The following TMEM132B variants were observed in gnomAD, a reference collection of about 807,000 sequenced individuals.
The protein encoded by TMEM132B is transmembrane protein 132B.
Under a neutral mutation model 90.8 loss-of-function variants are expected in TMEM132B, and 18 were observed. The ratio of observed to expected loss-of-function variants is 0.20; its 90% CI spans 0.14 to 0.29. The LOEUF is 0.29. TMEM132B is among the 10% of genes least tolerant of loss of function. The probability of loss-of-function intolerance (pLI) is 1.00; values close to 1 mark genes in which losing one functional copy is unlikely to be tolerated. For synonymous variants in TMEM132B, 504 were observed against 523.3 expected, an observed-to-expected ratio of 0.96 and a Z score of 0.50; for missense variants, 1,096 against 1,326.8, an observed-to-expected ratio of 0.83 and a Z score of 2.70.
In TMEM132B at chr12:125,408,954, C is replaced by A. The variant is rs775963962; in HGVS notation, c.960-6577C>A. Among the ~76,000 whole-genome samples, 3 of 152,006 alleles carry A rather than the reference C, an allele frequency of 2.0e-5. No individual in the cohort carries two copies. The highest frequency in any genetic ancestry group is 4.8e-5 in the African/African-American group (2 of 41,368). ...CTTTTGTACTGCACAAGGGGATACA[C>A]CAGAGTGGATTGTTAATAATAATAG... is the stretch of plus-strand genomic sequence containing the variant. On this transcript the variant is annotated intron_variant, in intron 2 of 8. Transcript: ENST00000682704. The surrounding 1 kb of genome is among the most constrained non-coding windows in gnomAD (Gnocchi z 5.9).
At chr12:125,335,634 A>G (rs1876932640) in intron 1 of TMEM132B, among the ~76,000 whole-genome samples, 1 of 152,256 alleles carries the variant, frequency 6.6e-6, no homozygotes. Flanking sequence ...GAATAAAGTC[A>G]GCTTTGTAGA....
chr12:125,295,515 TGAGAGA>T lies in TMEM132B; in HGVS notation c.68-53914_68-53909del, dbSNP rs1555237218. Among the ~76,000 whole-genome samples the T allele has an allele frequency of 5.3e-3, 750 of 142,422 alleles. 3 individuals carry two copies. Among genetic ancestry groups the T allele is most frequent in the Admixed American group, 9.2e-3 (133 of 14,488 alleles). 93.4% of individuals were successfully genotyped at this position (142,422 alleles called of 152,430 possible). A position where few individuals can be genotyped will look rare whatever the true frequency, so the allele number is the denominator to read the frequency against. On this transcript the variant is annotated intron_variant, in intron 1 of 8. Coordinates refer to ENST00000682704, the MANE Select transcript of TMEM132B (RefSeq NM_001366854.1). ...TCCATGAAACCTGTGTGTGTGTGTGTGAGAGAGAGAGAGAGAGAGAGAGAGAGACAG... is the reference window on the plus strand; with the variant it reads ...TCCATGAAACCTGTGTGTGTGTGTGTGAGAGAGAGAGAGAGAGAGAGACAG...
intron 1 of TMEM132B, among the ~76,000 whole-genome samples, chr12:125,319,435 A>G (rs1876370929): frequency 6.6e-6 from 1 of 152,114 alleles, no homozygotes; most frequent in Non-Finnish European, 1.5e-5. Context: ...CCCCAGGAGG[A>G]CTGGTTGGTT....
At chr12:125,409,085 T>C (rs1299279659) in intron 2 of TMEM132B, among the ~76,000 whole-genome samples, 1 of 152,192 alleles carries the variant, frequency 6.6e-6, no homozygotes, top group African/African-American at 2.4e-5. Flanking sequence ...AGAATTACTT[T>C]GGGACTTATG....
chr12:125,359,082 G>A (rs575923824), intron 2 of TMEM132B, among the ~76,000 whole-genome samples: 10 of 152,216 alleles, frequency 6.6e-5, no homozygotes, highest in Non-Finnish European at 7.4e-5. Context: ...GCAGCTCTCC[G>A]GAAGGATGCT....
rs192195441 is a variant in TMEM132B, at chr12:125,289,054, C to T, written c.68-60398C>T. ...TGCAAGGAGTTAAGCAGTTACCACA[C>T]CTTACCTATTCTTAAGAGAATTTGT... On this transcript the variant is annotated intron_variant, in intron 1 of 8. Transcript: ENST00000682704. Among the ~76,000 whole-genome samples the T allele has an allele frequency of 3.4e-3, 520 of 152,272 alleles. 2 individuals carry two copies. The highest frequency in any genetic ancestry group is 0.012 in the African/African-American group (489 of 41,542).
At chr12:125,347,060 T>C (rs61943121) in intron 1 of TMEM132B, among the ~76,000 whole-genome samples, 6,669 of 152,308 alleles carry the variant, frequency 0.044, 180 homozygotes, top group East Asian at 0.1. Flanking sequence ...ATCTCTTGAT[T>C]ATTTCCTTAG....
chr12:125,418,741 G>A (rs1880092056), intron 3 of TMEM132B, among the ~76,000 whole-genome samples: 1 of 152,110 alleles, frequency 6.6e-6, no homozygotes, highest in African/African-American at 2.4e-5. Context: ...GTGTTGTATG[G>A]GAAGACCCGA....
chr12:125,465,836 G>C (rs903189818), intron 3 of TMEM132B, among the ~76,000 whole-genome samples: 7 of 152,158 alleles, frequency 4.6e-5, no homozygotes, highest in African/African-American at 7.2e-5. Context: ...AGATTTGGTT[G>C]TTTAAAATTC....
rs573716976 is a variant in TMEM132B at position 125,565,668 on chromosome 12, C to T, written c.1294-18183C>T. Among the ~76,000 whole-genome samples the T allele has an allele frequency of 3.9e-5, 6 of 152,260 alleles. No homozygotes were observed. The South Asian group carries it at 1.0e-3, about 26-fold the overall frequency. On this transcript the variant is annotated intron_variant, in intron 4 of 8. Transcript: ENST00000682704. ...CCATGGAGTTTGGCTGTCCAGTGGC[C>T]GATGTCCTCTCCGACTGCCCCCAGC...
chr12:125,537,710 G>T (rs1883845325), intron 4 of TMEM132B, among the ~76,000 whole-genome samples: 2 of 152,206 alleles, frequency 1.3e-5, no homozygotes, highest in Admixed American at 1.3e-4. Flanking sequence ...GCTGAGCAGG[G>T]AAATCTAGGA....
intron 3 of TMEM132B, among the ~76,000 whole-genome samples, chr12:125,418,382 A>G (rs1285334076): frequency 6.6e-6 from 1 of 152,114 alleles, no homozygotes; most frequent in Non-Finnish European, 1.5e-5. Flanking sequence ...TCCTTCTCTT[A>G]CTTCACATTT....
chr12:125,590,159 G>C (rs1383279312), intron 5 of TMEM132B, among the ~76,000 whole-genome samples: 1 of 152,142 alleles, frequency 6.6e-6, no homozygotes, highest in Non-Finnish European at 1.5e-5. Flanking sequence ...GCCAGAAGCA[G>C]ATGAGGGTAC....
chr12:125,542,842 G>C (rs553591431), intron 4 of TMEM132B, among the ~76,000 whole-genome samples: 2 of 152,322 alleles, frequency 1.3e-5, no homozygotes, highest in African/African-American at 4.8e-5. Flanking sequence ...GTTCTTTTGA[G>C]TATATTGGAG....
intron 1 of TMEM132B, among the ~76,000 whole-genome samples, chr12:125,231,170 G>A (rs981010956): frequency 2.0e-5 from 3 of 151,704 alleles, no homozygotes; most frequent in African/African-American, 7.3e-5. Flanking sequence ...CAGTTGCCTC[G>A]CTCCTGTCTC....
At chr12:125,245,049 A>G (rs1014285079) in intron 1 of TMEM132B, among the ~76,000 whole-genome samples, 7 of 152,166 alleles carry the variant, frequency 4.6e-5, no homozygotes, top group Non-Finnish European at 7.3e-5. Flanking sequence ...ACTTAAAAGT[A>G]TTTACCCAGG....
intron 3 of TMEM132B, among the ~76,000 whole-genome samples, chr12:125,438,230 G>A (rs1001033899): frequency 7.9e-5 from 12 of 152,160 alleles, no homozygotes; most frequent in Non-Finnish European, 1.2e-4. Flanking sequence ...ATGTCCATCT[G>A]GGCAGTAACT....
chr12:125,478,137 G>A, intron 3 of TMEM132B, among the ~76,000 whole-genome samples: 1 of 152,086 alleles, frequency 6.6e-6, no homozygotes, highest in African/African-American at 2.4e-5. Flanking sequence ...ACCAAAGGTA[G>A]ATAAAACCAC....
At chr12:125,441,440 A>T (rs1880868614) in intron 3 of TMEM132B, among the ~76,000 whole-genome samples, 1 of 152,238 alleles carries the variant, frequency 6.6e-6, no homozygotes, top group African/African-American at 2.4e-5. Context: ...CACAGAAAGG[A>T]TGTATGATGA....
Sources: allele counts gnomAD v4.1 joint callset (sites outside exome capture counted in the v4.1 genomes callset), GRCh38; gene constraint gnomAD v4.1.1; non-coding constraint Gnocchi (gnomAD v3.1); transcripts MANE v1.5; gene names NCBI Gene and HGNC (gene_info 2026-07-23, HGNC 2026-07-21).